TMTC4: variants seen among roughly 807,000 people sequenced by gnomAD.
TMTC4 encodes the protein transmembrane O-mannosyltransferase targeting cadherins 4, also known as protein O-mannosyl-transferase TMTC4.
A neutral mutation model predicts 86.0 loss-of-function variants in TMTC4; 65 were observed. The observed-to-expected ratio is 0.76, with a 90% CI of 0.62 to 0.93. TMTC4 has a LOEUF of 0.93. TMTC4 is among the 40% of genes least tolerant of loss of function. The pLI, the probability that TMTC4 is intolerant of heterozygous loss-of-function variation, is 0.00. For synonymous variants in TMTC4, 379 were observed against 382.5 expected (o/e 0.99, Z 0.11); for missense variants, 866 against 948.1 (o/e 0.91, Z 1.14).
intron 12 of TMTC4, among the ~76,000 whole-genome samples, chr13:100,632,053 A>ACACACACACACACACACACTCTCT (rs1296569630): frequency 3.9e-4 from 17 of 43,136 alleles, no homozygotes; most frequent in African/African-American, 1.3e-3. Flanking sequence ...ACACACACAC[A>ACACACACACACACACACACTCTCT]CTCTCTCTCT....
intron 6 of TMTC4, among the ~76,000 whole-genome samples, chr13:100,645,108 G>A (rs1171672326): frequency 1.3e-5 from 2 of 152,120 alleles, no homozygotes; most frequent in African/African-American, 2.4e-5. Context: ...CACTGCACCC[G>A]GCCTGAACAT....
intron 15 of TMTC4, among the ~76,000 whole-genome samples, chr13:100,622,660 G>A (rs1879717373): frequency 6.6e-6 from 1 of 152,112 alleles, no homozygotes. Context: ...ACATGGAACT[G>A]TGAGTCCATT....
rs916121242 is a variant in TMTC4, at chr13:100,606,548, T to A, written c.2065-121A>T. 3 of 771,860 alleles carry A rather than the reference T, an allele frequency of 3.9e-6. No homozygotes were observed. In the Admixed American group the frequency reaches 8.2e-5, roughly 21 times the overall value. The allele number at this position is 771,860 out of a possible 1,614,324, so 47.8% of individuals were successfully genotyped here. ...TCCTCCTTTTGTATCAATGCATTCC[T>A]CCAGAAACACTCGGAAGGCCCAGCG... On this transcript the variant is annotated intron_variant, in intron 17 of 18. Coordinates refer to ENST00000342624, the MANE Select transcript of TMTC4 (RefSeq NM_032813.5).
rs1371784520 is a variant in TMTC4, at chr13:100,637,529, A to C, written c.999+9T>G. ...AAAGAGTCCAGGGGGCGGCAGGCTC[A>C]GAACTCACCCTCACCAGCATGCTGT... is the stretch of plus-strand genomic sequence containing the variant. On this transcript the variant is annotated intron_variant, in intron 9 of 18. Transcript: ENST00000342624. 1 of 1,608,370 alleles carries C rather than the reference A, an allele frequency of 6.2e-7. No individual in the cohort carries two copies. The highest frequency in any genetic ancestry group is 8.5e-7 in the Non-Finnish European group (1 of 1,176,530).
At chr13:100,666,829 A>C (rs1886449032) in intron 3 of TMTC4, among the ~76,000 whole-genome samples, 1 of 152,132 alleles carries the variant, frequency 6.6e-6, no homozygotes, top group South Asian at 2.1e-4. Flanking sequence ...CTCTACAAAA[A>C]AATTTTAAAA....
At chr13:100,613,117 C>A (rs990487859) in intron 16 of TMTC4, among the ~76,000 whole-genome samples, 1 of 152,184 alleles carries the variant, frequency 6.6e-6, no homozygotes, top group Non-Finnish European at 1.5e-5. Flanking sequence ...CATTTCACAT[C>A]TTCTAGTTCT....
chr13:100,617,376 AT>A (rs994482304), intron 15 of TMTC4, among the ~76,000 whole-genome samples: 1 of 152,146 alleles, frequency 6.6e-6, no homozygotes, highest in African/African-American at 2.4e-5. Flanking sequence ...GGCTCAAGCC[AT>A]TTGCCTGCCT....
intron 9 of TMTC4, 35 bp downstream of exon 9, chr13:100,637,503 A>G (rs1882404686): frequency 3.2e-6 from 5 of 1,579,274 alleles, no homozygotes; most frequent in Non-Finnish European, 4.3e-6. Flanking sequence ...GTGGGGGAAG[A>G]AAAGAGTCCA....
chr13:100,655,594 C>T (rs1885008812), intron 6 of TMTC4, among the ~76,000 whole-genome samples: 1 of 152,134 alleles, frequency 6.6e-6, no homozygotes, highest in Non-Finnish European at 1.5e-5. Flanking sequence ...GATTTGTAAT[C>T]ATCATAGGTG....
At chr13:100,641,996 T>G (rs76225441) in intron 7 of TMTC4, among the ~76,000 whole-genome samples, 16,078 of 152,290 alleles carry the variant, frequency 0.11, 934 homozygotes, top group Non-Finnish European at 0.14. Flanking sequence ...TCTCCCCAGT[T>G]GCACATGACT....
intron 16 of TMTC4, among the ~76,000 whole-genome samples, chr13:100,613,592 C>T (rs190839137): frequency 6.6e-6 from 1 of 152,150 alleles, no homozygotes; most frequent in East Asian, 1.9e-4. Context: ...TTCTTGCTCA[C>T]TTCTGAGTGC....
rs576004203 is a variant in TMTC4, at chr13:100,631,995, T to G, written c.1506+2810A>C. Among the ~76,000 whole-genome samples, 72 of 141,902 alleles carry G rather than the reference T, an allele frequency of 5.1e-4. 2 individuals carry two copies. The South Asian group carries it at 0.015, about 30-fold the overall frequency. 93.1% of individuals were successfully genotyped at this position (141,902 alleles called of 152,430 possible). On this transcript the variant is annotated intron_variant, in intron 12 of 18. Transcript: ENST00000342624. Reference sequence around the variant, plus strand: ...TTTTGAAGATGAGGTCTTATATGTATTCCTTAAATTAAGAGGAAACCACAC... The same window carrying G: ...TTTTGAAGATGAGGTCTTATATGTAGTCCTTAAATTAAGAGGAAACCACAC...
chr13:100,646,754 GA>G (rs1883806291), intron 6 of TMTC4, among the ~76,000 whole-genome samples: 2 of 152,140 alleles, frequency 1.3e-5, no homozygotes, highest in Non-Finnish European at 1.5e-5. Context: ...TTTACTTGCA[GA>G]AATTAATTAC....
intron 17 of TMTC4, among the ~76,000 whole-genome samples, chr13:100,610,448 T>C (rs193130979): frequency 3.0e-4 from 46 of 152,368 alleles, no homozygotes; most frequent in Admixed American, 2.9e-3. Flanking sequence ...GCTTGCTTGG[T>C]GGCTGATGCC....
intron 15 of TMTC4, among the ~76,000 whole-genome samples, chr13:100,623,332 A>G (rs1879836557): frequency 6.6e-6 from 1 of 152,212 alleles, no homozygotes; most frequent in African/African-American, 2.4e-5. Flanking sequence ...TCCCAGGTTC[A>G]AGTGATTTTC....
chr13:100,647,616 A>T (rs1046407644), intron 6 of TMTC4, among the ~76,000 whole-genome samples: 1 of 152,216 alleles, frequency 6.6e-6, no homozygotes, highest in African/African-American at 2.4e-5. Context: ...TTTTTACTTG[A>T]CTGTAACATG....
chr13:100,647,527 G>A (rs1479556916), intron 6 of TMTC4, among the ~76,000 whole-genome samples: 2 of 151,890 alleles, frequency 1.3e-5, no homozygotes, highest in Non-Finnish European at 2.9e-5. Flanking sequence ...ATTCCCCAAT[G>A]TAACAGTCTC....
intron 17 of TMTC4, among the ~76,000 whole-genome samples, chr13:100,609,296 A>G (rs1877171274): frequency 6.6e-6 from 1 of 152,178 alleles, no homozygotes. Flanking sequence ...CCCTGTATTT[A>G]CAGTAATGAT....
intron 12 of TMTC4, among the ~76,000 whole-genome samples, chr13:100,629,595 G>C (rs181554559): frequency 2.8e-4 from 42 of 152,200 alleles, no homozygotes; most frequent in Non-Finnish European, 1.8e-4. Flanking sequence ...GTGACTGCTC[G>C]AGGCACTTTC....
Sources: allele counts gnomAD v4.1 joint callset (sites outside exome capture counted in the v4.1 genomes callset), GRCh38; gene constraint gnomAD v4.1.1; transcripts MANE v1.5; gene names NCBI Gene and HGNC (gene_info 2026-07-23, HGNC 2026-07-21).